The following TTN variants were observed in gnomAD, a reference collection of about 807,000 sequenced individuals.
TTN encodes the protein titin.
TTN carries 1,525 observed loss-of-function variants against 3,223.0 expected under a neutral mutation model. The observed-to-expected ratio is 0.47, with a 90% CI of 0.45 to 0.49. The LOEUF (loss-of-function observed/expected upper bound fraction) is 0.49, where lower values mean the gene tolerates loss of function less well. Ranked by LOEUF, TTN falls within the 20% of genes least tolerant of loss-of-function variation. The pLI is 0.00. For missense variants in TTN, 40,786 were observed against 43,424.0 expected (o/e 0.94, Z 5.40); for synonymous variants, 14,094 against 15,161.0 (o/e 0.93, Z 5.17).
Position 178,780,059 on chromosome 2 carries a change from A to G in TTN, c.3670T>C (p.Leu1224=), listed in dbSNP as rs764873258. The part of the protein sequence containing the change: ...YEKEYEKEQA[L]IRKKMAKDTV... ...TCTTTGGCCATTTTCTTCCTAATTA[A>G]GGCTTGTTCTTTTTCATACTCTTTT... The change falls in exon 22 of 363, where the codon TTA becomes CTA. Residue 1224 remains leucine, a synonymous_variant. Transcript: ENST00000589042. 3.1e-6 allele frequency: 5 copies of G among 1,613,608 alleles called. No homozygotes were observed. In the African/African-American group the frequency reaches 6.7e-5, roughly 22 times the overall value.
chr2:178,712,550 C>A lies in TTN; in HGVS notation c.27372G>T (p.Glu9124Asp). 1 of 1,613,324 alleles carries A rather than the reference C, an allele frequency of 6.2e-7. No homozygotes were observed. The highest frequency in any genetic ancestry group is 8.5e-7 in the Non-Finnish European group (1 of 1,179,592). Reference protein sequence around the residue: ...FVKRLNDYSIEKGKPLILEGT... With the variant: ...FVKRLNDYSIDKGKPLILEGT... Reference sequence around the variant, plus strand: ...CCTCTAGGATCAGGGGTTTTCCTTTCTCTATGCTGTAATCATTCAGCCTCT... The same window carrying A: ...CCTCTAGGATCAGGGGTTTTCCTTTATCTATGCTGTAATCATTCAGCCTCT... The change falls in exon 95 of 363, where the codon GAG becomes GAT. Residue 9124 changes from glutamate (E) to aspartate (D), a missense_variant. Coordinates refer to ENST00000589042, the MANE Select transcript of TTN (RefSeq NM_001267550.2).
Position 178,731,344 on chromosome 2 carries a change from C to A in TTN, c.17422G>T (p.Ala5808Ser). The A allele has an allele frequency of 6.2e-7, 1 of 1,613,800 alleles. No homozygotes were observed. The highest frequency in any genetic ancestry group is 8.5e-7 in the Non-Finnish European group (1 of 1,179,766). ...AATGCAGAACATCTTTGTATTCCTGCATCATTTTTGGCCTGACAGACATAT... is the reference window on the plus strand; with the variant it reads ...AATGCAGAACATCTTTGTATTCCTGAATCATTTTTGGCCTGACAGACATAT... ...GKYVCQAKND[A>S]GIQRCSALLS... Residue 5808 changes from alanine to serine, a missense_variant, in exon 59 of 363, where the codon GCA (alanine) becomes TCA (serine). Transcript: ENST00000589042.
In TTN at chr2:178,568,883, C is replaced by T. The variant is rs368038362; in HGVS notation, c.77249G>A (p.Arg25750Gln). The T allele has an allele frequency of 1.1e-4, 179 of 1,612,990 alleles. No homozygotes were observed. The highest frequency in any genetic ancestry group is 1.6e-4 in the Middle Eastern group (1 of 6,074). The change falls in exon 326 of 363, where the codon CGA becomes CAA. Residue 25750 changes from arginine (R) to glutamine (Q), a missense_variant. Coordinates refer to ENST00000589042, the MANE Select transcript of TTN (RefSeq NM_001267550.2). ...AATTACTGCCTGAAGAGACTTTACT[C>T]GAGCACACTCTGACCATTTCTCACT... The part of the protein sequence containing the change: ...KHSEKWSECA[R>Q]VKSLQAVITN...
chr2:178,798,381 T>TC (rs2093883242), intron 6 of TTN: 1 of 152,164 alleles, frequency 6.6e-6, no homozygotes, highest in Admixed American at 6.5e-5. Flanking sequence ...AATTTACACT[T>TC]GATTATATAA....
At chr2:178,613,722 T>G in intron 263 of TTN, 29 bp downstream of exon 263, 1 of 1,604,602 alleles carries the variant, frequency 6.2e-7, no homozygotes, top group Non-Finnish European at 8.5e-7. Flanking sequence ...ACTGCTGTCT[T>G]AACATCTTGA....
In TTN at chr2:178,590,802, A is replaced by G; in HGVS notation, c.60923T>C (p.Met20308Thr). 1 of 1,607,548 alleles carries G rather than the reference A, an allele frequency of 6.2e-7. No homozygotes were observed. The highest frequency in any genetic ancestry group is 8.5e-7 in the Non-Finnish European group (1 of 1,174,842). Residue 20308 changes from methionine (M) to threonine (T), a missense_variant, in exon 304 of 363, where the codon ATG (methionine) becomes ACG (threonine). By Grantham distance (81) the Met-to-Thr change is moderately conservative. Transcript: ENST00000589042. ...DGGSPITGYYMERREVTGKWV... is the reference protein window; with the variant it reads ...DGGSPITGYYTERREVTGKWV... ...TTTGCCAGTTACTTCTCGACGTTCCATATAGTAGCCAGTTATTGGACTGCC... is the reference window on the plus strand; with the variant it reads ...TTTGCCAGTTACTTCTCGACGTTCCGTATAGTAGCCAGTTATTGGACTGCC...
chr2:178,668,225 A>T (rs926086481), intron 159 of TTN, among the ~76,000 whole-genome samples: 2 of 152,198 alleles, frequency 1.3e-5, no homozygotes, highest in Admixed American at 6.5e-5. Context: ...GCAGAAAATT[A>T]AAAAAATTAA....
rs1174332291 is a variant in TTN, at chr2:178,714,017, A to C, written c.26641T>G (p.Phe8881Val). Reference sequence around the variant, plus strand: ...ATCTTAAGGCCGGATACTTTGTTGAAGAAGCTTATTTTGTATTTGTTGTCA... The same window carrying C: ...ATCTTAAGGCCGGATACTTTGTTGACGAAGCTTATTTTGTATTTGTTGTCA... ...TSDNKYKISF[F>V]NKVSGLKIIN... Residue 8881 changes from phenylalanine (F) to valine (V), a missense_variant, in exon 92 of 363, where the codon TTC becomes GTC. Transcript: ENST00000589042. 9.9e-6 allele frequency: 16 copies of C among 1,613,456 alleles called. No individual in the cohort carries two copies. The highest frequency in any genetic ancestry group is 1.4e-5 in the Non-Finnish European group (16 of 1,179,712).
rs1347470734 is a variant in TTN at position 178,722,913 on chromosome 2, A to G, written c.21986T>C (p.Leu7329Pro). The G allele has an allele frequency of 6.2e-6, 10 of 1,611,930 alleles. No individual in the cohort carries two copies. The highest frequency in any genetic ancestry group is 2.2e-5 in the East Asian group (1 of 44,762). ...TCCAACTGCTGCCTCCAGAGGTTCC[A>G]GTTCCGTAACAAAATAAGGCGGTTC... ...TLEPPYFVTE[L>P]EPLEAAVGDS... Residue 7329 changes from leucine to proline, a missense_variant, in exon 76 of 363, where the codon CTG (leucine) becomes CCG (proline). Transcript: ENST00000589042.
rs1169096487 is a variant in TTN at position 178,559,477 on chromosome 2, A to G, written c.86655T>C (p.Arg28885=). 4 of 1,613,742 alleles carry G rather than the reference A, an allele frequency of 2.5e-6. No homozygotes were observed. The highest frequency in any genetic ancestry group is 2.5e-6 in the Non-Finnish European group (3 of 1,179,728). ...APVKNYHIEK[R]EASKKAWVSV... ...AGACCCATGCTTTCTTGCTGGCCTCACGTTTTTCTATGTGGTAATTCTTCA... is the reference window on the plus strand; with the variant it reads ...AGACCCATGCTTTCTTGCTGGCCTCGCGTTTTTCTATGTGGTAATTCTTCA... Residue 28885 remains arginine (R), a synonymous_variant, in exon 326 of 363, where the codon CGT becomes CGC. Coordinates refer to ENST00000589042, the MANE Select transcript of TTN (RefSeq NM_001267550.2).
intron 6 of TTN, among the ~76,000 whole-genome samples, chr2:178,798,064 T>C (rs1319617137): frequency 2.0e-5 from 3 of 152,052 alleles, no homozygotes; most frequent in African/African-American, 7.3e-5. Context: ...CTTGGATCTA[T>C]TATACTTGGA....
intron 151 of TTN, 25 bp downstream of exon 151, chr2:178,674,289 G>T (rs1434339299): frequency 5.8e-6 from 8 of 1,380,798 alleles, no homozygotes; most frequent in Non-Finnish European, 8.1e-6. Flanking sequence ...AATTTTAAAT[G>T]TTCAATCCTT....
chr2:178,689,055 C>T lies in TTN; in HGVS notation c.32093G>A (p.Arg10698Gln), dbSNP rs200161147. 212 of 1,551,076 alleles carry T rather than the reference C, an allele frequency of 1.4e-4. No homozygotes were observed. The highest frequency in any genetic ancestry group is 1.3e-3 in the African/African-American group (89 of 69,908). The change falls in exon 125 of 363, where the codon CGA becomes CAA. Residue 10698 changes from arginine to glutamine, a missense_variant and splice_region_variant. Physicochemically the swap from Arg to Gln is conservative, Grantham distance 43 (BLOSUM62 1). Transcript: ENST00000589042. ...CAGAGGATTGAGGCAAATCCTACCT[C>T]GGGGAGGAGGAGCTTTCTTAGCGAC... ...VPVAKKAPPPRAEVSKKTVVE... is the reference protein window; with the variant it reads ...VPVAKKAPPPQAEVSKKTVVE...
At chr2:178,622,171 C>G (rs2058395751) in intron 243 of TTN, among the ~76,000 whole-genome samples, 163 bp from the exon 244 acceptor site, 1 of 151,794 alleles carries the variant, frequency 6.6e-6, no homozygotes, top group Non-Finnish European at 1.5e-5. Flanking sequence ...ACCCCAAAAG[C>G]AAGAACAATC....
At chr2:178,719,038 G>C in intron 83 of TTN, 65 bp from the exon 84 acceptor site, 1 of 1,517,772 alleles carries the variant, frequency 6.6e-7, no homozygotes, top group South Asian at 1.3e-5. Flanking sequence ...AAGTGCTTTT[G>C]CTCCTTAAAA....
At chr2:178,649,962 T>C (rs1343652957) in intron 210 of TTN, 68 bp from the exon 211 acceptor site, 3 of 1,524,636 alleles carry the variant, frequency 2.0e-6, no homozygotes, top group Non-Finnish European at 9.0e-7. Context: ...AATGAATGAA[T>C]TAAAAACCAC....
rs772404955 is a variant in TTN at position 178,674,353 on chromosome 2, G to A, written c.34669C>T (p.Pro11557Ser). The change falls in exon 151 of 363, where the codon CCT becomes TCT. Residue 11557 changes from proline (P) to serine (S), a missense_variant. Physicochemically the swap from Pro to Ser is moderately conservative, Grantham distance 74 (BLOSUM62 -1). Transcript: ENST00000589042. ...ISEEEIPEEP[P>S]SIEEVEEVAP... Reference sequence around the variant, plus strand: ...ACCTCTTCAACTTCCTCTATGCTAGGTGGTTCTTCTGGGATTTCTTCTTCT... The same window carrying A: ...ACCTCTTCAACTTCCTCTATGCTAGATGGTTCTTCTGGGATTTCTTCTTCT... 6.3e-7 allele frequency: 1 copy of A among 1,599,056 alleles called. No individual in the cohort carries two copies. The highest frequency in any genetic ancestry group is 8.5e-7 in the Non-Finnish European group (1 of 1,171,524).
In TTN at chr2:178,557,458, T is replaced by C. The variant is rs1411999290; in HGVS notation, c.87804A>G (p.Ala29268=). Residue 29268 remains alanine (A), a synonymous_variant, in exon 329 of 363, where the codon GCA becomes GCG. Coordinates refer to ENST00000589042, the MANE Select transcript of TTN (RefSeq NM_001267550.2). The part of the protein sequence containing the change: ...WHEPVSNGGS[A]VVGYHLEMKD... ...TCATTTCCAGGTGATAGCCTACGACTGCACTGCCTCCATTTGACACTGGTT... is the reference window on the plus strand; with the variant it reads ...TCATTTCCAGGTGATAGCCTACGACCGCACTGCCTCCATTTGACACTGGTT... The C allele has an allele frequency of 1.9e-6, 3 of 1,613,960 alleles. No homozygotes were observed. In the Admixed American group the frequency reaches 5.0e-5, roughly 27 times the overall value.
chr2:178,544,428 A>G lies in TTN; in HGVS notation c.95801T>C (p.Met31934Thr). 11 of 1,613,794 alleles carry G rather than the reference A, an allele frequency of 6.8e-6. No homozygotes were observed. Among genetic ancestry groups the G allele is most frequent in the Admixed American group, 1.7e-5 (1 of 60,020 alleles). The change falls in exon 345 of 363, where the codon ATG (methionine) becomes ACG (threonine). Residue 31934 changes from methionine to threonine, a missense_variant. Physicochemically the swap from Met to Thr is moderately conservative, Grantham distance 81. Coordinates refer to ENST00000589042, the MANE Select transcript of TTN (RefSeq NM_001267550.2). The part of the protein sequence containing the change: ...HSISLAWTKP[M>T]YDGGTDIVGY... ...TACAATGTCAGTACCACCATCGTAC[A>G]TGGGTTTGGTCCATGCCAAACTAAT...
Sources: gnomAD v4.1 joint callset for allele counts (sites outside exome capture counted in the v4.1 genomes callset) on GRCh38, gnomAD v4.1.1 for gene constraint, MANE v1.5 for transcripts, NCBI Gene and HGNC (gene_info 2026-07-23, HGNC 2026-07-21) for gene names.